The following NLN variants were observed in gnomAD, a reference collection of about 807,000 sequenced individuals.
NLN encodes the protein neurolysin, mitochondrial.
NLN carries 64 observed loss-of-function variants against 79.9 expected under a neutral mutation model. The ratio of observed to expected loss-of-function variants is 0.80; its 90% CI spans 0.65 to 0.99. The LOEUF is 0.99. Ranked by LOEUF, NLN falls within the 50% of genes least tolerant of loss-of-function variation. The probability of loss-of-function intolerance (pLI) is 0.00; values close to 1 mark genes in which losing one functional copy is unlikely to be tolerated. For synonymous variants in NLN, 267 were observed against 296.6 expected, an observed-to-expected ratio of 0.90 and a Z score of 1.02; for missense variants, 835 against 858.7, an observed-to-expected ratio of 0.97 and a Z score of 0.34.
intron 9 of NLN, among the ~76,000 whole-genome samples, chr5:65,808,438 A>T (rs1002115374): frequency 6.6e-6 from 1 of 152,200 alleles, no homozygotes; most frequent in Non-Finnish European, 1.5e-5. Flanking sequence ...AACAGGACAG[A>T]GGTTCAGTGA....
Position 65,809,343 on chromosome 5 carries a change from T to C in NLN, c.1528-172T>C, listed in dbSNP as rs1760490065. 12 of 558,668 alleles carry C rather than the reference T, an allele frequency of 2.1e-5. No individual in the cohort carries two copies. The South Asian group carries it at 2.9e-4, about 14-fold the overall frequency. The allele number at this position is 558,668 out of a possible 1,614,324, so 34.6% of individuals were successfully genotyped here. ...AGTATTTGGGGGTTGTTTTTCACAC[T>C]GTTCAGCTGCTGTGTTTTATTTTCA... is the stretch of plus-strand genomic sequence containing the variant. On this transcript the variant is annotated intron_variant, in intron 9 of 12. Coordinates refer to ENST00000380985, the MANE Select transcript of NLN (RefSeq NM_020726.5).
intron 9 of NLN, among the ~76,000 whole-genome samples, chr5:65,794,451 A>C (rs549989245): frequency 6.6e-6 from 1 of 152,194 alleles, no homozygotes; most frequent in South Asian, 2.1e-4. Context: ...CAAAAGATAC[A>C]AAAATTAGCC....
At chr5:65,727,311 G>A (rs1213714241) in intron 1 of NLN, among the ~76,000 whole-genome samples, 2 of 152,010 alleles carry the variant, frequency 1.3e-5, no homozygotes, top group African/African-American at 4.8e-5. Context: ...GGGACTACAG[G>A]CGCTCACCAC....
At chr5:65,753,742 G>T (rs1156746706) in intron 1 of NLN, among the ~76,000 whole-genome samples, 1 of 151,856 alleles carries the variant, frequency 6.6e-6, no homozygotes, top group Non-Finnish European at 1.5e-5. Flanking sequence ...AAAAGAACAG[G>T]GTGTTAAGAT....
chr5:65,726,181 A>C (rs1758466298), intron 1 of NLN, among the ~76,000 whole-genome samples: 1 of 152,238 alleles, frequency 6.6e-6, no homozygotes, highest in Non-Finnish European at 1.5e-5. Context: ...ACCAATTGCA[A>C]AAGTGCTTTT....
At chr5:65,745,071 C>T (rs1341094344) in intron 1 of NLN, among the ~76,000 whole-genome samples, 1 of 152,060 alleles carries the variant, frequency 6.6e-6, no homozygotes, top group Non-Finnish European at 1.5e-5. Flanking sequence ...GGGCAGCCAT[C>T]CAGGTCTTCC....
chr5:65,805,057 A>T (rs888273251), intron 9 of NLN, among the ~76,000 whole-genome samples: 1 of 152,136 alleles, frequency 6.6e-6, no homozygotes, highest in African/African-American at 2.4e-5. Context: ...GCAATCTTTG[A>T]TATTACTATT....
intron 1 of NLN, among the ~76,000 whole-genome samples, chr5:65,756,152 T>C (rs2150744793): frequency 6.6e-6 from 1 of 152,308 alleles, no homozygotes; most frequent in Middle Eastern, 3.4e-3. Flanking sequence ...CTAATATTCC[T>C]TCTCCCTCAG....
intron 6 of NLN, 147 bp downstream of exon 6, chr5:65,781,568 T>C (rs1759801498): frequency 1.5e-6 from 1 of 652,074 alleles, no homozygotes; most frequent in Non-Finnish European, 2.7e-6. Context: ...ACAAGACTTT[T>C]AGCTTTTTCA....
chr5:65,780,880 G>C (rs532429392), intron 5 of NLN, among the ~76,000 whole-genome samples: 1 of 152,172 alleles, frequency 6.6e-6, no homozygotes, highest in Middle Eastern at 3.4e-3. Context: ...CACCATGTTG[G>C]CCAGAATGGT....
chr5:65,760,642 A>C (rs1759317278), intron 2 of NLN, among the ~76,000 whole-genome samples: 2 of 152,272 alleles, frequency 1.3e-5, no homozygotes, highest in South Asian at 4.1e-4. Context: ...CTTCCTGAGT[A>C]GCTGGGACTG....
intron 1 of NLN, among the ~76,000 whole-genome samples, chr5:65,735,022 A>G (rs762644140): frequency 5.9e-5 from 9 of 152,316 alleles, no homozygotes; most frequent in South Asian, 4.1e-4. Context: ...TTTTTATCTT[A>G]TAAGTGATAT....
At chr5:65,722,509 G>T in intron 1 of NLN, 95 bp downstream of exon 1, 3 of 1,172,420 alleles carry the variant, frequency 2.6e-6, no homozygotes, top group African/African-American at 1.6e-5. Context: ...TCCCGACCGC[G>T]CCTCTCCGAC....
chr5:65,722,343 C>A lies in NLN; in HGVS notation c.-31C>A. On this transcript the variant is annotated 5_prime_UTR_variant, in exon 1 of 13. Transcript: ENST00000380985. ...CGCCGCCCCACGCCGAAGGACCACG[C>A]GCCCGCCGCCGCCAGCCTCTCAGCG... 1 of 1,535,118 alleles carries A rather than the reference C, an allele frequency of 6.5e-7. No individual in the cohort carries two copies.
chr5:65,824,748 C>CATGAGAGCAAAAGAAA lies in NLN; in HGVS notation c.*1836_*1837insAGAGCAAAAGAAAATG, dbSNP rs1760880887. 1 of 152,156 alleles carries CATGAGAGCAAAAGAAA rather than the reference C, an allele frequency of 6.6e-6. No homozygotes were observed. Among genetic ancestry groups the CATGAGAGCAAAAGAAA allele is most frequent in the African/African-American group, 2.4e-5 (1 of 41,436 alleles). 9.4% of individuals were successfully genotyped at this position (152,156 alleles called of 1,614,324 possible). ...CCGAAATGCATGAGAGCAAAAGCAC[C>CATGAGAGCAAAAGAAA]ATGGTGTTCTTTCTATTTAGGGCCT... On this transcript the variant is annotated 3_prime_UTR_variant, in exon 13 of 13. Coordinates refer to ENST00000380985, the MANE Select transcript of NLN (RefSeq NM_020726.5).
At chr5:65,788,522 T>TTCAG in intron 8 of NLN, 38 bp downstream of exon 8, 1 of 1,586,296 alleles carries the variant, frequency 6.3e-7, no homozygotes, top group Non-Finnish European at 8.6e-7. Context: ...ACCTTAGGGA[T>TTCAG]TCAGCTATGC....
intron 9 of NLN, 100 bp downstream of exon 9, chr5:65,792,755 C>A: frequency 9.8e-7 from 1 of 1,018,564 alleles, no homozygotes; most frequent in Non-Finnish European, 1.6e-6. Context: ...TTTTCAGAAG[C>A]TGAATGTGTT....
chr5:65,775,736 C>T (rs898320901), intron 3 of NLN, among the ~76,000 whole-genome samples: 1 of 152,224 alleles, frequency 6.6e-6, no homozygotes, highest in African/African-American at 2.4e-5. Context: ...TCTCCCTGGC[C>T]ATTGTGGGTT....
chr5:65,762,368 C>G (rs1431154469), intron 2 of NLN, among the ~76,000 whole-genome samples: 1 of 152,108 alleles, frequency 6.6e-6, no homozygotes, highest in Non-Finnish European at 1.5e-5. Flanking sequence ...GTGTCTTTCT[C>G]TTCCTGCATT....
Sources: allele counts gnomAD v4.1 joint callset (sites outside exome capture counted in the v4.1 genomes callset), GRCh38; gene constraint gnomAD v4.1.1; transcripts MANE v1.5; gene names NCBI Gene and HGNC (gene_info 2026-07-23, HGNC 2026-07-21).